Variants in MTNR1A observed in about 807,000 individuals in gnomAD.
MTNR1A encodes melatonin receptor type 1A.
A neutral mutation model predicts 5.5 loss-of-function variants in MTNR1A; 7 were observed. The observed-to-expected ratio is 1.28, with a 90% CI of 0.73 to 2.40. MTNR1A has a LOEUF of 2.40. Among genes scored for constraint, MTNR1A ranks in the 30% most tolerant of loss-of-function variants. The pLI is 0.00. For missense variants in MTNR1A, 441 were observed against 464.4 expected (o/e 0.95, Z 0.46); for synonymous variants, 196 against 202.7 (o/e 0.97, Z 0.28).
chr4:186,554,636 T>A (rs1341837793), intron 1 of MTNR1A, among the ~76,000 whole-genome samples: 1 of 152,198 alleles, frequency 6.6e-6, no homozygotes, highest in Non-Finnish European at 1.5e-5. Flanking sequence ...CTTCCGTTTT[T>A]AAAGTGTCAA....
At chr4:186,540,527 C>T (rs1222927386) in intron 1 of MTNR1A, among the ~76,000 whole-genome samples, 2 of 152,226 alleles carry the variant, frequency 1.3e-5, no homozygotes, top group South Asian at 2.1e-4. Flanking sequence ...TTGCAGATAC[C>T]GTTTTTTACT....
At chr4:186,539,388 T>C (rs937799810) in intron 1 of MTNR1A, among the ~76,000 whole-genome samples, 1 of 152,168 alleles carries the variant, frequency 6.6e-6, no homozygotes, top group Admixed American at 6.5e-5. Flanking sequence ...CAGTGTTGAC[T>C]GGAGCCCAGA....
chr4:186,550,578 TA>T (rs2111387040), intron 1 of MTNR1A, among the ~76,000 whole-genome samples: 1 of 151,876 alleles, frequency 6.6e-6, no homozygotes, highest in East Asian at 1.9e-4. Context: ...AGATGCTTTT[TA>T]AAACAGAACC....
At chr4:186,552,867 G>T (rs985819979) in intron 1 of MTNR1A, among the ~76,000 whole-genome samples, 2 of 152,228 alleles carry the variant, frequency 1.3e-5, no homozygotes, top group Non-Finnish European at 1.5e-5. Context: ...TCAAATTGTG[G>T]ACAAGAGTAG....
At chr4:186,551,132 C>A (rs920363558) in intron 1 of MTNR1A, among the ~76,000 whole-genome samples, 4 of 152,164 alleles carry the variant, frequency 2.6e-5, no homozygotes, top group Admixed American at 2.0e-4. Flanking sequence ...CTGTACAGTA[C>A]AAGTTACGTC....
intron 1 of MTNR1A, among the ~76,000 whole-genome samples, chr4:186,544,683 T>C (rs1737100385): frequency 6.6e-6 from 1 of 152,190 alleles, no homozygotes; most frequent in South Asian, 2.1e-4. Flanking sequence ...AATCTCCAAA[T>C]CTGTGCAATG....
At chr4:186,552,566 G>C (rs1186219044) in intron 1 of MTNR1A, among the ~76,000 whole-genome samples, 4 of 152,186 alleles carry the variant, frequency 2.6e-5, no homozygotes, top group Non-Finnish European at 5.9e-5. Flanking sequence ...CTTGTTAGGT[G>C]TACCCAGAAA....
At chr4:186,550,724 T>C (rs1737251451) in intron 1 of MTNR1A, among the ~76,000 whole-genome samples, 1 of 152,190 alleles carries the variant, frequency 6.6e-6, no homozygotes, top group Non-Finnish European at 1.5e-5. Flanking sequence ...CTGTGATTAA[T>C]TTAACACTGA....
chr4:186,545,354 A>C (rs112964194), intron 1 of MTNR1A, among the ~76,000 whole-genome samples: 5 of 152,270 alleles, frequency 3.3e-5, no homozygotes, highest in African/African-American at 1.2e-4. Context: ...CTACGTGTGC[A>C]TCTGCTTCCA....
chr4:186,539,957 G>A (rs1294206472), intron 1 of MTNR1A, among the ~76,000 whole-genome samples: 2 of 152,168 alleles, frequency 1.3e-5, no homozygotes, highest in African/African-American at 4.8e-5. Context: ...ACATACTCGA[G>A]ACTGGGCAAT....
chr4:186,545,200 G>T (rs1244411262), intron 1 of MTNR1A, among the ~76,000 whole-genome samples: 1 of 152,064 alleles, frequency 6.6e-6, no homozygotes, highest in African/African-American at 2.4e-5. Context: ...GAGGTTGGGT[G>T]GTTTCCTAAA....
intron 1 of MTNR1A, among the ~76,000 whole-genome samples, chr4:186,540,784 G>GGACCAGGTGCTGTCTGACT (rs1737000100): frequency 2.6e-5 from 3 of 116,244 alleles, no homozygotes; most frequent in East Asian, 2.8e-4. Flanking sequence ...TCTGACTGAA[G>GGACCAGGTGCTGTCTGACT]GAAGGACCAG....
intron 1 of MTNR1A, among the ~76,000 whole-genome samples, chr4:186,548,796 G>A (rs1737205992): frequency 9.4e-6 from 1 of 106,216 alleles, no homozygotes; most frequent in Non-Finnish European, 1.9e-5. Flanking sequence ...GATAAGGAAT[G>A]CTTAATCTAT....
At chr4:186,544,894 G>C (rs1227279398) in intron 1 of MTNR1A, among the ~76,000 whole-genome samples, 1 of 152,170 alleles carries the variant, frequency 6.6e-6, no homozygotes, top group Non-Finnish European at 1.5e-5. Context: ...CTTCCCCAGA[G>C]ACTGCCTTCA....
At chr4:186,553,889 G>A (rs557715462) in intron 1 of MTNR1A, among the ~76,000 whole-genome samples, 11 of 152,188 alleles carry the variant, frequency 7.2e-5, no homozygotes, top group Non-Finnish European at 1.3e-4. Context: ...AGCAGGGCGA[G>A]CTCTGGAGGC....
intron 1 of MTNR1A, among the ~76,000 whole-genome samples, chr4:186,546,127 T>A (rs1043578252): frequency 6.6e-6 from 1 of 152,182 alleles, no homozygotes; most frequent in African/African-American, 2.4e-5. Flanking sequence ...CTTAGGGCCG[T>A]GGTGAGGATT....
At position 186,555,499 on chromosome 4, in the gene MTNR1A, C is replaced by T; in HGVS notation, c.-134G>A. 1.6e-6 allele frequency: 1 copy of T among 635,940 alleles called. No homozygotes were observed. Among genetic ancestry groups the T allele is most frequent in the Non-Finnish European group, 2.1e-6 (1 of 465,300 alleles). The allele number at this position is 635,940 out of a possible 1,614,324, so 39.4% of individuals were successfully genotyped here. A position where few individuals can be genotyped will look rare whatever the true frequency, so the allele number is the denominator to read the frequency against. On this transcript the variant is annotated 5_prime_UTR_variant, in exon 1 of 2. Transcript: ENST00000307161. This position sits in a 1 kb window ranked among gnomAD's most constrained non-coding sequence, Gnocchi z 4.1. ...CGCTCCTCCACGCCGCGCCCCCGGA[C>T]GCCCACGCCGCGCCGGACGCCACGG... is the stretch of plus-strand genomic sequence containing the variant.
intron 1 of MTNR1A, among the ~76,000 whole-genome samples, chr4:186,538,231 A>G (rs1736919798): frequency 6.6e-6 from 1 of 152,016 alleles, no homozygotes; most frequent in South Asian, 2.1e-4. Context: ...TTCTCCCTCC[A>G]CCTTGAACAG....
chr4:186,544,522 G>T (rs1158002673), intron 1 of MTNR1A, among the ~76,000 whole-genome samples: 3 of 152,116 alleles, frequency 2.0e-5, no homozygotes. Context: ...GCATCACTTT[G>T]CTTTTTTGTG....
Sources: allele counts gnomAD v4.1 joint callset (sites outside exome capture counted in the v4.1 genomes callset), GRCh38; gene constraint gnomAD v4.1.1; non-coding constraint Gnocchi (gnomAD v3.1); transcripts MANE v1.5; gene names NCBI Gene and HGNC (gene_info 2026-07-23, HGNC 2026-07-21).